Variants in AIMP1 observed in about 807,000 individuals in gnomAD.
AIMP1 encodes the protein aminoacyl tRNA synthetase complex interacting multifunctional protein 1, also known as aminoacyl tRNA synthase complex-interacting multifunctional protein 1.
AIMP1 carries 24 observed loss-of-function variants against 33.1 expected under a neutral mutation model. That is an observed-to-expected ratio of 0.73 (90% CI 0.53 to 1.02). The LOEUF (loss-of-function observed/expected upper bound fraction) is 1.02. Ranked by LOEUF, AIMP1 falls within the 50% of genes least tolerant of loss-of-function variation. The probability of loss-of-function intolerance (pLI) is 0.00; values close to 1 mark genes in which losing one functional copy is unlikely to be tolerated. For synonymous variants in AIMP1, 120 were observed against 121.5 expected (o/e 0.99, Z 0.08); for missense variants, 367 against 364.8 (o/e 1.01, Z -0.05).
intron 6 of AIMP1, among the ~76,000 whole-genome samples, chr4:106,337,795 A>G (rs1259048707): frequency 6.6e-6 from 1 of 152,142 alleles, no homozygotes; most frequent in Non-Finnish European, 1.5e-5. Context: ...GGCTCAGGAG[A>G]TAGGAAAATG....
intron 1 of AIMP1, among the ~76,000 whole-genome samples, chr4:106,321,747 G>C (rs572716176): frequency 6.6e-6 from 1 of 152,118 alleles, no homozygotes; most frequent in Non-Finnish European, 1.5e-5. Context: ...CAGTTTTGTC[G>C]AATAGAAAAG....
chr4:106,318,688 T>G (rs1454871031), intron 1 of AIMP1, among the ~76,000 whole-genome samples: 3 of 152,206 alleles, frequency 2.0e-5, no homozygotes, highest in East Asian at 1.9e-4. Flanking sequence ...ACCCACTTAG[T>G]CATAACTTAA....
At chr4:106,321,015 C>T (rs977407150) in intron 1 of AIMP1, among the ~76,000 whole-genome samples, 38 of 152,206 alleles carry the variant, frequency 2.5e-4, no homozygotes, top group African/African-American at 8.9e-4. Context: ...CCTGAGGTGC[C>T]GGGATTGCAG....
In AIMP1 at chr4:106,346,884, A is replaced by G. The variant is rs1026171514; in HGVS notation, c.773-642A>G. Among the ~76,000 whole-genome samples, 8 of 152,308 alleles carry G rather than the reference A, an allele frequency of 5.3e-5. No individual in the cohort carries two copies. In the South Asian group the frequency reaches 1.7e-3, roughly 32 times the overall value. ...ACTGAGGCTAGGTAATTTATAAGGA[A>G]AAGAGGTTTAATTGGCTCATGGTTC... On this transcript the variant is annotated intron_variant, in intron 6 of 6. Coordinates refer to ENST00000672341, the MANE Select transcript of AIMP1 (RefSeq NM_001142416.2).
intron 2 of AIMP1, among the ~76,000 whole-genome samples, chr4:106,327,073 CT>C (rs1384063402): frequency 6.6e-6 from 1 of 152,218 alleles, no homozygotes; most frequent in East Asian, 1.9e-4. Context: ...GCATGAGCCA[CT>C]ACACCTGGCC....
In AIMP1 at chr4:106,328,124, T is replaced by C. The variant is rs752054346; in HGVS notation, c.272T>C (p.Met91Thr). 46 of 1,613,530 alleles carry C rather than the reference T, an allele frequency of 2.9e-5. No individual in the cohort carries two copies. The highest frequency in any genetic ancestry group is 3.3e-5 in the Non-Finnish European group (39 of 1,179,736). The change falls in exon 4 of 7, where the codon ATG becomes ACG. Residue 91 changes from methionine (M) to threonine (T), a missense_variant. Transcript: ENST00000672341. Reference protein sequence around the residue: ...PSGTPLHANSMVSENVIQSTA... With the variant: ...PSGTPLHANSTVSENVIQSTA... ...GGTACTCCACTGCACGCTAATTCTA[T>C]GGTTTCTGAAAATGTGATACAGTCT...
chr4:106,336,665 G>A (rs537414293), intron 5 of AIMP1, among the ~76,000 whole-genome samples: 24 of 152,116 alleles, frequency 1.6e-4, no homozygotes, highest in Admixed American at 7.9e-4. Context: ...ACCATAATGC[G>A]TTATCAATTT....
chr4:106,346,412 G>A (rs1353209680), intron 6 of AIMP1, among the ~76,000 whole-genome samples: 1 of 152,112 alleles, frequency 6.6e-6, no homozygotes, highest in Non-Finnish European at 1.5e-5. Flanking sequence ...CAGGGGCTTT[G>A]TTGATCATGT....
At chr4:106,337,139 G>T in intron 6 of AIMP1, 102 bp downstream of exon 6, 4 of 1,067,232 alleles carry the variant, frequency 3.7e-6, no homozygotes, top group Non-Finnish European at 5.8e-6. Flanking sequence ...AGAATCATGA[G>T]TCTTACATTA....
At chr4:106,321,925 C>T (rs909706176) in intron 1 of AIMP1, among the ~76,000 whole-genome samples, 3 of 147,574 alleles carry the variant, frequency 2.0e-5, no homozygotes, top group Admixed American at 1.3e-4. Context: ...GAAACATGTG[C>T]TGTGTCCACT....
At position 106,347,685 on chromosome 4, in the gene AIMP1, TCAAATAA is replaced by T. The variant is rs778559912; in HGVS notation, c.933_939del (p.Lys312MetfsTer41). 1.2e-6 allele frequency: 2 copies of T among 1,612,774 alleles called. No individual in the cohort carries two copies. The highest frequency in any genetic ancestry group is 8.5e-7 in the Non-Finnish European group (1 of 1,179,344). The stretch of plus-strand genomic sequence containing the variant: ...GCTCAAACCATGAGCAACAGTGGAA[TCAAATAA>T]AATGCTTCCACTACCAAAAGACATT... On this transcript the variant is annotated frameshift_variant and stop_lost, in exon 7 of 7. Coordinates refer to ENST00000672341, the MANE Select transcript of AIMP1 (RefSeq NM_001142416.2). LOFTEE classifies it high-confidence loss of function.
intron 1 of AIMP1, chr4:106,316,807 T>G (rs1486230017): frequency 1.9e-6 from 1 of 520,340 alleles, no homozygotes; most frequent in Non-Finnish European, 3.4e-6. Context: ...GATGCAGGCC[T>G]AAGTTAAGAA....
rs951411654 is a variant in AIMP1 at position 106,348,381 on chromosome 4, C to T, written c.*689C>T. 2.6e-5 allele frequency: 4 copies of T among 151,266 alleles called. No individual in the cohort carries two copies. In the East Asian group the frequency reaches 7.7e-4, roughly 29 times the overall value. The allele number at this position is 151,266 out of a possible 1,614,324, so 9.4% of individuals were successfully genotyped here. On this transcript the variant is annotated 3_prime_UTR_variant, in exon 7 of 7. Transcript: ENST00000672341. ...AGAATGAACACATTGTAAACAGTTG[C>T]CACAGTAGTTTCTAATAAATTGATC...
chr4:106,341,737 T>C (rs1178975487), intron 6 of AIMP1, among the ~76,000 whole-genome samples: 3 of 152,142 alleles, frequency 2.0e-5, no homozygotes, highest in Non-Finnish European at 4.4e-5. Context: ...CCTCCAGTTA[T>C]GTTCTTTTTG....
intron 6 of AIMP1, 22 bp from the exon 7 acceptor site, chr4:106,347,504 G>A: frequency 6.2e-7 from 1 of 1,602,958 alleles, no homozygotes; most frequent in East Asian, 2.2e-5. Flanking sequence ...TAATTTTCTT[G>A]TGCTTTTTTT....
rs1769907806 is a variant in AIMP1 at position 106,336,959 on chromosome 4, T to C, written c.694T>C (p.Ser232Pro). The C allele has an allele frequency of 6.2e-7, 1 of 1,613,974 alleles. No individual in the cohort carries two copies. Among genetic ancestry groups the C allele is most frequent in the South Asian group, 1.1e-5 (1 of 91,090 alleles). The stretch of plus-strand genomic sequence containing the variant: ...TCAAGCAATGGTCATGTGTGCTAGT[T>C]CACCAGAGAAAATTGAAATCTTGGC... ...LSQAMVMCAS[S>P]PEKIEILAPP... Residue 232 changes from serine to proline, a missense_variant, in exon 6 of 7, where the codon TCA (serine) becomes CCA (proline). Physicochemically the swap from Ser to Pro is moderately conservative, Grantham distance 74. Coordinates refer to ENST00000672341, the MANE Select transcript of AIMP1 (RefSeq NM_001142416.2).
intron 1 of AIMP1, among the ~76,000 whole-genome samples, chr4:106,318,461 A>C (rs1428889619): frequency 3.9e-5 from 6 of 152,196 alleles, no homozygotes; most frequent in African/African-American, 1.4e-4. Context: ...ATTGTGTAGC[A>C]AATCAGGGAA....
chr4:106,316,348 C>CGGGGGG, upstream of AIMP1: 1 of 576,056 alleles, frequency 1.7e-6, no homozygotes, highest in East Asian at 3.0e-5. Flanking sequence ...GAAAGAGGTG[C>CGGGGGG]GGGGGGACGG....
At chr4:106,339,590 C>T (rs764590861) in intron 6 of AIMP1, among the ~76,000 whole-genome samples, 3 of 152,194 alleles carry the variant, frequency 2.0e-5, no homozygotes, top group Non-Finnish European at 2.9e-5. Flanking sequence ...ATTACCCAAC[C>T]TTGGATGTAT....
Sources: gnomAD v4.1 joint callset for allele counts (sites outside exome capture counted in the v4.1 genomes callset) on GRCh38, gnomAD v4.1.1 for gene constraint, MANE v1.5 for transcripts, NCBI Gene and HGNC (gene_info 2026-07-23, HGNC 2026-07-21) for gene names.